The following DIDO1 variants were observed in gnomAD, a reference collection of about 807,000 sequenced individuals.
DIDO1 encodes death-inducer obliterator 1.
A neutral mutation model predicts 99.4 loss-of-function variants in DIDO1; 16 were observed. The ratio of observed to expected loss-of-function variants is 0.16; its 90% CI spans 0.11 to 0.24. DIDO1 has a LOEUF of 0.24. DIDO1 is among the 10% of genes least tolerant of loss of function. The pLI, the probability that DIDO1 is intolerant of heterozygous loss-of-function variation, is 1.00. For synonymous variants in DIDO1, 1,366 were observed against 1,239.1 expected, an observed-to-expected ratio of 1.10 and a Z score of -2.15; for missense variants, 2,996 against 3,014.0, an observed-to-expected ratio of 0.99 and a Z score of 0.14.
chr20:62,896,674 G>A lies in DIDO1; in HGVS notation c.1911C>T (p.Ala637=), dbSNP rs747445506. 3.1e-6 allele frequency: 5 copies of A among 1,613,904 alleles called. No homozygotes were observed. The highest frequency in any genetic ancestry group is 1.6e-4 in the Middle Eastern group (1 of 6,084). The change falls in exon 7 of 16, where the codon GCC becomes GCT. Residue 637 remains alanine, a synonymous_variant. Coordinates refer to ENST00000395343, the MANE Select transcript of DIDO1 (RefSeq NM_001193369.2). This position sits in a 1 kb window ranked among gnomAD's most constrained non-coding sequence, Gnocchi z 4.4. ...CAGAAGGTACCACTGGCTTCCTTAC[G>A]GCTCCCACCAAAGCAGCGGAGCCAG... The part of the protein sequence containing the change: ...KFPGSAALVG[A]VRKPVVPSVP...
At chr20:62,901,029 G>A (rs1032734883) in intron 6 of DIDO1, among the ~76,000 whole-genome samples, 9 of 152,332 alleles carry the variant, frequency 5.9e-5, no homozygotes, top group East Asian at 1.9e-4. Context: ...AGGTGGCAGC[G>A]GCAAGAGAAA....
chr20:62,888,022 G>A (rs1348666698), intron 15 of DIDO1: 2 of 985,382 alleles, frequency 2.0e-6, no homozygotes, highest in Middle Eastern at 5.2e-4. Context: ...GAACTGCATG[G>A]CTCCTGAGGG....
chr20:62,898,824 C>T (rs898414314), intron 6 of DIDO1, among the ~76,000 whole-genome samples: 13 of 152,332 alleles, frequency 8.5e-5, no homozygotes, highest in African/African-American at 2.4e-4. Context: ...GGAAACTTTG[C>T]TTTTAATTCC....
In DIDO1 at chr20:62,922,093, A is replaced by G. The variant is rs1410602410; in HGVS notation, c.-200+4346T>C. Among the ~76,000 whole-genome samples, 16 of 88,222 alleles carry G rather than the reference A, an allele frequency of 1.8e-4. No individual in the cohort carries two copies. In the Admixed American group the frequency reaches 1.9e-3, roughly 11 times the overall value. 57.9% of individuals were successfully genotyped at this position (88,222 alleles called of 152,430 possible). ...TATATACACTATATACACACTATAT[A>G]TACACACTATATATATACACACACA... On this transcript the variant is annotated intron_variant, in intron 1 of 15. Coordinates refer to ENST00000395343, the MANE Select transcript of DIDO1 (RefSeq NM_001193369.2).
chr20:62,890,789 C>T (rs1243947334), intron 15 of DIDO1, 171 bp downstream of exon 15: 13 of 1,458,806 alleles, frequency 8.9e-6, no homozygotes, highest in Non-Finnish European at 1.1e-5. Context: ...ACTTCTCGTG[C>T]CACAGTCCTA....
intron 6 of DIDO1, among the ~76,000 whole-genome samples, chr20:62,902,493 A>G (rs1213384627): frequency 1.3e-5 from 2 of 152,200 alleles, no homozygotes; most frequent in Admixed American, 1.3e-4. Context: ...TCACGCGACC[A>G]GTGAAACAAG....
chr20:62,903,185 G>A (rs907471000), intron 6 of DIDO1, among the ~76,000 whole-genome samples: 1 of 152,192 alleles, frequency 6.6e-6, no homozygotes, highest in Non-Finnish European at 1.5e-5. Context: ...CAAATGGGAG[G>A]AACAAGGTGA....
At chr20:62,923,127 G>C (rs1466000349) in intron 1 of DIDO1, among the ~76,000 whole-genome samples, 1 of 152,092 alleles carries the variant, frequency 6.6e-6, no homozygotes, top group Non-Finnish European at 1.5e-5. Flanking sequence ...TCTGGCCTCA[G>C]CCTCCCAAAG....
rs539251515 is a variant in DIDO1 at position 62,933,172 on chromosome 20, T to C, written c.-200+4624A>G. Among the ~76,000 whole-genome samples, 3 of 152,254 alleles carry C rather than the reference T, an allele frequency of 2.0e-5. No individual in the cohort carries two copies. The South Asian group carries it at 6.2e-4, about 32-fold the overall frequency. On this transcript the variant is annotated intron_variant, in intron 1 of 15. Coordinates refer to the DIDO1 transcript ENST00000266070. ...GTTGCAGTGAGCCAAGATCGTGCCA[T>C]TGCACTCCAGCCTGGGCAACAAGAG... is the stretch of plus-strand genomic sequence containing the variant.
At position 62,894,693 on chromosome 20, in the gene DIDO1, C is replaced by A; in HGVS notation, c.2436+117G>T. On this transcript the variant is annotated intron_variant, in intron 10 of 15. Coordinates refer to ENST00000395343, the MANE Select transcript of DIDO1 (RefSeq NM_001193369.2). This position sits in a 1 kb window ranked among gnomAD's most constrained non-coding sequence, Gnocchi z 4.4. The stretch of plus-strand genomic sequence containing the variant: ...ATCTAATACAAGGACTGAGGAATGC[C>A]ACAATGACATACACCTGCTGTAAGC... 7.1e-7 allele frequency: 1 copy of A among 1,408,638 alleles called. No individual in the cohort carries two copies. The highest frequency in any genetic ancestry group is 1.3e-5 in the South Asian group (1 of 75,392). 87.3% of individuals were successfully genotyped at this position (1,408,638 alleles called of 1,614,324 possible). A position where few individuals can be genotyped will look rare whatever the true frequency, so the allele number is the denominator to read the frequency against.
rs2064792269 is a variant in DIDO1, at chr20:62,905,933, T to C, written c.1542A>G (p.Val514=). The C allele has an allele frequency of 6.2e-7, 1 of 1,614,016 alleles. No individual in the cohort carries two copies. The highest frequency in any genetic ancestry group is 1.3e-5 in the African/African-American group (1 of 74,910). Residue 514 remains valine (V), a synonymous_variant, in exon 6 of 16, where the codon GTA becomes GTG. Transcript: ENST00000395343. ...AGGGAGCAGCAGTCTTTTCTGGCTT[T>C]ACTGCATTGTAATTGTGATCGCTCG... ...SWASDHNYNA[V]KPEKTAAPSP...
rs371373340 is a variant in DIDO1, at chr20:62,880,766, G to A, written c.5190C>T (p.Gly1730=). ...GTGGGGGGAGCGGGGCGGTGCCCTC[G>A]CCGGGTCTGGCCTGTGGCTCTCTGT... ...EGDREPQARP[G]EGTAPLPPPG... The change falls in exon 16 of 16, where the codon GGC becomes GGT. Residue 1730 remains glycine (G), a synonymous_variant. Transcript: ENST00000395343. The A allele has an allele frequency of 7.9e-5, 127 of 1,612,204 alleles. No individual in the cohort carries two copies. The highest frequency in any genetic ancestry group is 1.0e-4 in the Admixed American group (6 of 59,990).
At chr20:62,915,911 G>T (rs1386388629) in intron 1 of DIDO1, among the ~76,000 whole-genome samples, 3 of 152,198 alleles carry the variant, frequency 2.0e-5, no homozygotes, top group African/African-American at 7.2e-5. Context: ...TGAGTTCTGA[G>T]TAATCAGAAA....
chr20:62,882,261 G>A lies in DIDO1; in HGVS notation c.3695C>T (p.Ala1232Val). Residue 1232 changes from alanine to valine, a missense_variant, in exon 16 of 16, where the codon GCC (alanine) becomes GTC (valine). By Grantham distance (64) the Ala-to-Val change is moderately conservative. This residue lies in a region of DIDO1 where 1,562 missense variants were observed against 1,412.6 expected (regional missense o/e 1.11). Coordinates refer to ENST00000395343, the MANE Select transcript of DIDO1 (RefSeq NM_001193369.2). ...CTTCTTTTCCGACTGCGGGACTGTGGCTACTTTTGGATAGGCCGGAACGTC... is the reference window on the plus strand; with the variant it reads ...CTTCTTTTCCGACTGCGGGACTGTGACTACTTTTGGATAGGCCGGAACGTC... Reference protein sequence around the residue: ...EADVPAYPKVATVPQSEKKPS... With the variant: ...EADVPAYPKVVTVPQSEKKPS... 1 of 1,614,006 alleles carries A rather than the reference G, an allele frequency of 6.2e-7. No homozygotes were observed. Among genetic ancestry groups the A allele is most frequent in the Non-Finnish European group, 8.5e-7 (1 of 1,180,028 alleles).
chr20:62,924,223 T>A (rs1239157438), intron 1 of DIDO1, among the ~76,000 whole-genome samples: 1 of 152,168 alleles, frequency 6.6e-6, no homozygotes, highest in African/African-American at 2.4e-5. Flanking sequence ...AAATAAGAAA[T>A]GTAAGTGAGA....
rs955838652 is a variant in DIDO1 at position 62,880,457 on chromosome 20, TCCA to T, written c.5496_5498del (p.Gly1833del). The T allele has an allele frequency of 3.7e-6, 6 of 1,612,746 alleles. No individual in the cohort carries two copies. The highest frequency in any genetic ancestry group is 4.2e-6 in the Non-Finnish European group (5 of 1,179,984). ...ATTGGGATGGTGCCACTCCTCGTGGTCCACCAAGGTAAGAGGGTGAGGGGCCTC... is the reference window on the plus strand; with the variant it reads ...ATTGGGATGGTGCCACTCCTCGTGGTCCAAGGTAAGAGGGTGAGGGGCCTC... On this transcript the variant is annotated inframe_deletion, in exon 16 of 16. Coordinates refer to ENST00000395343, the MANE Select transcript of DIDO1 (RefSeq NM_001193369.2).
At chr20:62,937,654 G>A (rs2147623045) in intron 1 of DIDO1, 1 of 394,820 alleles carries the variant, frequency 2.5e-6, no homozygotes, top group East Asian at 3.6e-5. Context: ...TCTCTCCCTG[G>A]ACCTCAGGGA....
At chr20:62,909,577 C>G in intron 4 of DIDO1, 122 bp downstream of exon 4, 1 of 1,194,636 alleles carries the variant, frequency 8.4e-7, no homozygotes. Flanking sequence ...GAGGCAGGAA[C>G]CCGGGAGAGG....
chr20:62,894,640 T>G lies in DIDO1; in HGVS notation c.2437-92A>C. On this transcript the variant is annotated intron_variant, in intron 10 of 15. Transcript: ENST00000395343. The surrounding 1 kb of genome is among the most constrained non-coding windows in gnomAD (Gnocchi z 4.4). The stretch of plus-strand genomic sequence containing the variant: ...CACAAGAAAAGCAGTCTCATGGGAT[T>G]GAGACCCACGGGGGAGAAAAAAGGA... The G allele has an allele frequency of 6.6e-7, 1 of 1,523,582 alleles. No individual in the cohort carries two copies. Among genetic ancestry groups the G allele is most frequent in the African/African-American group, 1.4e-5 (1 of 72,318 alleles). The allele number at this position is 1,523,582 out of a possible 1,614,324, so 94.4% of individuals were successfully genotyped here. A position where few individuals can be genotyped will look rare whatever the true frequency, so the allele number is the denominator to read the frequency against.
Sources: allele counts gnomAD v4.1 joint callset (sites outside exome capture counted in the v4.1 genomes callset), GRCh38; gene constraint gnomAD v4.1.1; regional missense constraint gnomAD v4.1.1; non-coding constraint Gnocchi (gnomAD v3.1); transcripts MANE v1.5; gene names NCBI Gene and HGNC (gene_info 2026-07-23, HGNC 2026-07-21).